The following HMCN2 variants were observed in gnomAD, a reference collection of about 807,000 sequenced individuals.
The protein encoded by HMCN2 is hemicentin-2.
HMCN2 carries 325 observed loss-of-function variants against 377.5 expected under a neutral mutation model. The ratio of observed to expected loss-of-function variants is 0.86; its 90% CI spans 0.79 to 0.94. The LOEUF is 0.94. HMCN2 is among the 40% of genes least tolerant of loss of function. The pLI, the probability that HMCN2 is intolerant of heterozygous loss-of-function variation, is 0.00. For missense variants in HMCN2, 4,543 were observed against 4,725.3 expected (o/e 0.96, Z 1.13); for synonymous variants, 2,007 against 2,046.8 (o/e 0.98, Z 0.53).
At chr9:130,353,288 G>GGCTA in intron 31 of HMCN2, 83 bp downstream of exon 31, 1 of 1,211,140 alleles carries the variant, frequency 8.3e-7, no homozygotes, top group Non-Finnish European at 1.1e-6. Flanking sequence ...TCCAAAGGAA[G>GGCTA]GCTAGGTGGC....
intron 37 of HMCN2, among the ~76,000 whole-genome samples, chr9:130,359,635 T>C (rs1840252336): frequency 6.6e-6 from 1 of 152,160 alleles, no homozygotes; most frequent in South Asian, 2.1e-4. Context: ...CTGCAGGACA[T>C]CTACTCACAG....
rs914666554 is a variant in HMCN2 at position 130,359,397 on chromosome 9, C to T, written c.5756C>T (p.Ser1919Leu). Residue 1919 changes from serine (S) to leucine (L), a missense_variant, in exon 37 of 98, where the codon TCG (serine) becomes TTG (leucine). Physicochemically the swap from Ser to Leu is moderately radical, Grantham distance 145. This residue lies in a region of HMCN2 where 1,032 missense variants were observed against 1,285.1 expected (regional missense o/e 0.80). Transcript: ENST00000683500. ...NASVTLECLA[S>L]GVPPPDVSWF... The stretch of plus-strand genomic sequence containing the variant: ...TCAGTGACCTTGGAGTGTCTGGCTT[C>T]GGGCGTGCCCCCTCCTGGTAAGACC... The T allele has an allele frequency of 3.1e-5, 40 of 1,302,348 alleles. No homozygotes were observed. The highest frequency in any genetic ancestry group is 6.1e-5 in the African/African-American group (4 of 65,818). The allele number at this position is 1,302,348 out of a possible 1,614,324, so 80.7% of individuals were successfully genotyped here. A position where few individuals can be genotyped will look rare whatever the true frequency, so the allele number is the denominator to read the frequency against.
Position 130,285,170 on chromosome 9 carries a change from T to G in HMCN2, c.343T>G (p.Cys115Gly). Residue 115 changes from cysteine (C) to glycine (G), a missense_variant, in exon 3 of 98, where the codon TGC (cysteine) becomes GGC (glycine). Physicochemically the swap from Cys to Gly is radical, Grantham distance 159 (BLOSUM62 -3). This residue lies in a region of HMCN2 where 547 missense variants were observed against 189.9 expected (regional missense o/e 2.88). Coordinates refer to ENST00000683500, the MANE Select transcript of HMCN2 (RefSeq NM_001291815.2). The part of the protein sequence containing the change: ...RELYVQGGGD[C>G]PEMSVGAIKA... ...TTCTGCCCTCCAGGGAGGTGGTGAC[T>G]GCCCGGAGATGAGTGTGGGGGCCAT... 1 of 471,128 alleles carries G rather than the reference T, an allele frequency of 2.1e-6. No homozygotes were observed. The highest frequency in any genetic ancestry group is 4.4e-6 in the Non-Finnish European group (1 of 227,030). 29.2% of individuals were successfully genotyped at this position (471,128 alleles called of 1,614,324 possible).
chr9:130,411,555 G>A (rs1843405825), intron 85 of HMCN2, among the ~76,000 whole-genome samples: 1 of 142,438 alleles, frequency 7.0e-6, no homozygotes, highest in African/African-American at 2.6e-5. Flanking sequence ...AGCCAAGATC[G>A]TGCCATCGCA....
intron 8 of HMCN2, 67 bp from the exon 9 acceptor site, chr9:130,302,790 C>A: frequency 2.6e-6 from 1 of 384,162 alleles, no homozygotes; most frequent in Non-Finnish European, 5.4e-6. Flanking sequence ...CCCTACAGGT[C>A]TCTGTGTCAC....
rs181623801 is a variant in HMCN2, at chr9:130,276,525, G to A, written c.260-8078G>A. ...AGGTGGAGTTGACAGGGACACTCAG[G>A]GTGGAGCTGGGCTCCATCACTGGGT... On this transcript the variant is annotated intron_variant, in intron 1 of 97. Coordinates refer to ENST00000683500, the MANE Select transcript of HMCN2 (RefSeq NM_001291815.2). 3.1e-3 allele frequency among the ~76,000 whole-genome samples: 468 copies of A among 152,284 alleles called. 1 individual carries two copies. The highest frequency in any genetic ancestry group is 0.027 in the Middle Eastern group (8 of 294).
At chr9:130,275,719 G>C (rs1350202452) in intron 1 of HMCN2, among the ~76,000 whole-genome samples, 1 of 152,082 alleles carries the variant, frequency 6.6e-6, no homozygotes, top group Non-Finnish European at 1.5e-5. Flanking sequence ...CAAAGTGCTG[G>C]GATTACAGGC....
intron 74 of HMCN2, 98 bp downstream of exon 74, chr9:130,397,753 T>A: frequency 1.8e-6 from 2 of 1,120,700 alleles, no homozygotes; most frequent in African/African-American, 1.6e-5. Context: ...CAAGAGCCAA[T>A]GGTCTTCAAA....
At chr9:130,273,911 AT>A (rs1834537364) in intron 1 of HMCN2, among the ~76,000 whole-genome samples, 1 of 152,198 alleles carries the variant, frequency 6.6e-6, no homozygotes, top group African/African-American at 2.4e-5. Flanking sequence ...CTAAAAAAAA[AT>A]AAACTCAAAA....
At position 130,374,525 on chromosome 9, in the gene HMCN2, T is replaced by C; in HGVS notation, c.7462T>C (p.Trp2488Arg). 2.0e-6 allele frequency: 2 copies of C among 985,814 alleles called. No individual in the cohort carries two copies. Among genetic ancestry groups the C allele is most frequent in the South Asian group, 9.4e-5 (2 of 21,292 alleles). The allele number at this position is 985,814 out of a possible 1,614,324, so 61.1% of individuals were successfully genotyped here. A position where few individuals can be genotyped will look rare whatever the true frequency, so the allele number is the denominator to read the frequency against. ...VTGHPQPKLT[W>R]FKDGRPLARG... ...AGGCCACCCACAGCCCAAGCTCACA[T>C]GGTTCAAAGATGGCCGGCCTCTGGC... The change falls in exon 49 of 98, where the codon TGG becomes CGG. Residue 2488 changes from tryptophan (W) to arginine (R), a missense_variant. This residue lies in a region of HMCN2 where 1,032 missense variants were observed against 1,285.1 expected (regional missense o/e 0.80). Transcript: ENST00000683500.
chr9:130,384,397 A>T lies in HMCN2; in HGVS notation c.8855A>T (p.Asp2952Val). 4 of 1,302,116 alleles carry T rather than the reference A, an allele frequency of 3.1e-6. No individual in the cohort carries two copies. The South Asian group carries it at 4.9e-5, about 16-fold the overall frequency. The allele number at this position is 1,302,116 out of a possible 1,614,324, so 80.7% of individuals were successfully genotyped here. A position where few individuals can be genotyped will look rare whatever the true frequency, so the allele number is the denominator to read the frequency against. The change falls in exon 58 of 98, where the codon GAC (aspartate) becomes GTC (valine). Residue 2952 changes from aspartate (D) to valine (V), a missense_variant. Transcript: ENST00000683500. Reference protein sequence around the residue: ...VQVPPRIAGLDLEQVTAILNS... With the variant: ...VQVPPRIAGLVLEQVTAILNS... ...GTCCCGCCACGAATCGCAGGCCTGGACTTGGAGCAGGTCACTGCCATCCTC... is the reference window on the plus strand; with the variant it reads ...GTCCCGCCACGAATCGCAGGCCTGGTCTTGGAGCAGGTCACTGCCATCCTC...
Position 130,404,963 on chromosome 9 carries a change from C to T in HMCN2, c.12243C>T (p.Pro4081=), listed in dbSNP as rs1304221144. 7.8e-7 allele frequency: 1 copy of T among 1,289,470 alleles called. No individual in the cohort carries two copies. The highest frequency in any genetic ancestry group is 1.5e-5 in the African/African-American group (1 of 65,998). The allele number at this position is 1,289,470 out of a possible 1,614,324, so 79.9% of individuals were successfully genotyped here. A position where few individuals can be genotyped will look rare whatever the true frequency, so the allele number is the denominator to read the frequency against. The change falls in exon 81 of 98, where the codon CCC becomes CCT. Residue 4081 remains proline (P), a synonymous_variant. Transcript: ENST00000683500. ...LPCKARGSPE[P]NITWDKDGQP... Reference sequence around the variant, plus strand: ...GCAAGGCGAGGGGCAGTCCTGAGCCCAACATCACCTGGGACAAAGATGGCC... The same window carrying T: ...GCAAGGCGAGGGGCAGTCCTGAGCCTAACATCACCTGGGACAAAGATGGCC...
At position 130,427,387 on chromosome 9, in the gene HMCN2, C is replaced by G. The variant is rs569500607; in HGVS notation, c.13942+12C>G. On this transcript the variant is annotated intron_variant, in intron 91 of 97. Transcript: ENST00000683500. ...AGCGTTTTGTGTGGGTGAGCGCCCC[C>G]AACCCTGGCATGGATGTGGGAGGCC... is the stretch of plus-strand genomic sequence containing the variant. 2 of 1,550,522 alleles carry G rather than the reference C, an allele frequency of 1.3e-6. No homozygotes were observed. The highest frequency in any genetic ancestry group is 1.4e-5 in the African/African-American group (1 of 73,180).
chr9:130,421,526 C>T (rs369722467), intron 86 of HMCN2, among the ~76,000 whole-genome samples: 23 of 152,250 alleles, frequency 1.5e-4, no homozygotes, highest in African/African-American at 4.8e-4. Context: ...AGAGAGCTGG[C>T]GGTGGCTTGC....
intron 85 of HMCN2, 32 bp from the exon 86 acceptor site, chr9:130,418,740 A>G (rs1047968870): frequency 2.2e-6 from 3 of 1,386,528 alleles, no homozygotes; most frequent in Non-Finnish European, 2.8e-6. Flanking sequence ...AAATAATTAA[A>G]TGTTCCTAAA....
In HMCN2 at chr9:130,414,345, C is replaced by T. The variant is rs531111023; in HGVS notation, c.12961+3693C>T. On this transcript the variant is annotated intron_variant, in intron 85 of 97. Transcript: ENST00000683500. This position sits in a 1 kb window ranked among gnomAD's most constrained non-coding sequence, Gnocchi z 4.4. ...AGTAATGAGGCACCCCTCCCTGTTC[C>T]GGGCTGACCATGGAAGCCTCATAGG... Among the ~76,000 whole-genome samples, 84 of 152,332 alleles carry T rather than the reference C, an allele frequency of 5.5e-4. No homozygotes were observed. Among genetic ancestry groups the T allele is most frequent in the South Asian group, 3.5e-3 (17 of 4,834 alleles).
rs549871914 is a variant in HMCN2, at chr9:130,380,402, C to T, written c.8431+935C>T. Among the ~76,000 whole-genome samples, 23 of 152,170 alleles carry T rather than the reference C, an allele frequency of 1.5e-4. No homozygotes were observed. In the East Asian group the frequency reaches 3.3e-3, roughly 22 times the overall value. ...GAACTGTGTCCTGCCAGAGATGGGC[C>T]GGCAATGGGGCTGGTTTTGGGGAGA... is the stretch of plus-strand genomic sequence containing the variant. On this transcript the variant is annotated intron_variant, in intron 54 of 97. Coordinates refer to ENST00000683500, the MANE Select transcript of HMCN2 (RefSeq NM_001291815.2).
At chr9:130,294,704 G>A (rs1265632167) in intron 4 of HMCN2, among the ~76,000 whole-genome samples, 151 bp from the exon 5 acceptor site, 1 of 152,184 alleles carries the variant, frequency 6.6e-6, no homozygotes. Flanking sequence ...AAGCCAGGAG[G>A]GTCACAATGT....
In HMCN2 at chr9:130,397,631, C is replaced by G; in HGVS notation, c.11302C>G (p.Gln3768Glu). The G allele has an allele frequency of 7.8e-7, 1 of 1,289,856 alleles. No individual in the cohort carries two copies. Among genetic ancestry groups the G allele is most frequent in the Non-Finnish European group, 1.0e-6 (1 of 988,888 alleles). 79.9% of individuals were successfully genotyped at this position (1,289,856 alleles called of 1,614,324 possible). ...LASNSAGSDR[Q>E]GRDLRVLEPP... ...ATCCAACTCTGCTGGCTCCGATCGTCAAGGCCGTGACCTACGGGTCTTGGG... is the reference window on the plus strand; with the variant it reads ...ATCCAACTCTGCTGGCTCCGATCGTGAAGGCCGTGACCTACGGGTCTTGGG... Residue 3768 changes from glutamine (Q) to glutamate (E), a missense_variant, in exon 74 of 98, where the codon CAA (glutamine) becomes GAA (glutamate). Around this residue, in one of 5 missense-constraint regions of HMCN2, gnomAD observed 1,073 missense variants for 1,319.5 expected, o/e 0.81. Transcript: ENST00000683500.
Sources: gnomAD v4.1 joint callset for allele counts (sites outside exome capture counted in the v4.1 genomes callset) on GRCh38, gnomAD v4.1.1 for gene constraint, gnomAD v4.1.1 regional missense constraint, Gnocchi (gnomAD v3.1) non-coding constraint, MANE v1.5 for transcripts, NCBI Gene and HGNC (gene_info 2026-07-23, HGNC 2026-07-21) for gene names.